Variants in UBE2H observed in about 807,000 individuals in gnomAD.
UBE2H encodes ubiquitin conjugating enzyme E2 H.
Under a neutral mutation model 29.0 loss-of-function variants are expected in UBE2H, and 3 were observed. That is an observed-to-expected ratio of 0.10 (90% CI 0.05 to 0.27). The LOEUF is 0.27. Ranked by LOEUF, UBE2H falls within the 10% of genes least tolerant of loss-of-function variation. The probability of loss-of-function intolerance (pLI) is 1.00; values close to 1 mark genes in which losing one functional copy is unlikely to be tolerated. For missense variants in UBE2H, 68 were observed against 228.2 expected (o/e 0.30, Z 4.52); for synonymous variants, 69 against 82.9 (o/e 0.83, Z 0.91).
At chr7:129,881,575 G>A (rs1806254864) in intron 1 of UBE2H, among the ~76,000 whole-genome samples, 1 of 152,116 alleles carries the variant, frequency 6.6e-6, no homozygotes, top group Admixed American at 6.5e-5. Context: ...TTGAAGTTGG[G>A]AGGTGGAGGT....
chr7:129,913,068 T>C (rs945403716), intron 1 of UBE2H, among the ~76,000 whole-genome samples: 3 of 151,938 alleles, frequency 2.0e-5, no homozygotes, highest in African/African-American at 7.3e-5. Flanking sequence ...CTGGCCAACA[T>C]AGTGAAACCT....
At chr7:129,881,524 T>C (rs1806253873) in intron 1 of UBE2H, among the ~76,000 whole-genome samples, 1 of 152,110 alleles carries the variant, frequency 6.6e-6, no homozygotes, top group Admixed American at 6.6e-5. Flanking sequence ...GATGCATGCC[T>C]GTAGTCCCAG....
chr7:129,925,807 T>G (rs529759072), intron 1 of UBE2H, among the ~76,000 whole-genome samples: 1 of 152,154 alleles, frequency 6.6e-6, no homozygotes, highest in Admixed American at 6.5e-5. Context: ...CCTTTAAGAT[T>G]AAGTAATGCA....
chr7:129,932,630 C>T (rs541453288), intron 1 of UBE2H, among the ~76,000 whole-genome samples: 11 of 151,496 alleles, frequency 7.3e-5, no homozygotes, highest in East Asian at 2.0e-4. Flanking sequence ...AAAAATTAGC[C>T]GGGCGTGGTG....
At chr7:129,881,112 T>C in intron 1 of UBE2H, 141 bp from the exon 2 acceptor site, 1 of 612,980 alleles carries the variant, frequency 1.6e-6, no homozygotes, top group South Asian at 2.3e-5. Flanking sequence ...TTCTGGTAGT[T>C]TAGGAGGAGG....
chr7:129,888,071 C>T (rs1000509270), intron 1 of UBE2H, among the ~76,000 whole-genome samples: 1 of 152,184 alleles, frequency 6.6e-6, no homozygotes, highest in African/African-American at 2.4e-5. Context: ...AGCCTCTAGG[C>T]AACATGCTAA....
chr7:129,931,708 C>A (rs1243058800), intron 1 of UBE2H, among the ~76,000 whole-genome samples: 1 of 151,932 alleles, frequency 6.6e-6, no homozygotes, highest in Admixed American at 6.6e-5. Flanking sequence ...TAATTCTGGA[C>A]ATTTTTTGTT....
chr7:129,847,293 G>T (rs1245462352), intron 5 of UBE2H, among the ~76,000 whole-genome samples: 1 of 152,190 alleles, frequency 6.6e-6, no homozygotes, highest in Non-Finnish European at 1.5e-5. Flanking sequence ...ATCCACCTCA[G>T]ACTCCCAAAG....
chr7:129,934,381 T>C (rs1275617786), intron 1 of UBE2H, among the ~76,000 whole-genome samples: 1 of 151,934 alleles, frequency 6.6e-6, no homozygotes, highest in Non-Finnish European at 1.5e-5. Flanking sequence ...CTCACACCTA[T>C]AATCTCAGCA....
intron 1 of UBE2H, among the ~76,000 whole-genome samples, chr7:129,930,924 A>AC (rs1807379945): frequency 6.9e-6 from 1 of 145,404 alleles, no homozygotes; most frequent in South Asian, 2.2e-4. Flanking sequence ...AAAAAAAAAA[A>AC]AAAAAAAAAC....
chr7:129,939,984 A>C (rs951053164), intron 1 of UBE2H, among the ~76,000 whole-genome samples: 1 of 152,046 alleles, frequency 6.6e-6, no homozygotes, highest in African/African-American at 2.4e-5. Context: ...GAAAGAAAGA[A>C]AGAAAAGCAA....
At chr7:129,885,528 C>G (rs536172912) in intron 1 of UBE2H, among the ~76,000 whole-genome samples, 2 of 152,280 alleles carry the variant, frequency 1.3e-5, no homozygotes, top group African/African-American at 4.8e-5. Context: ...TCAGTCCATA[C>G]TTACGTGTAT....
intron 5 of UBE2H, among the ~76,000 whole-genome samples, chr7:129,841,318 TCTAGAAAATCTTAC>T (rs1159702630): frequency 6.6e-6 from 1 of 152,168 alleles, no homozygotes; most frequent in Non-Finnish European, 1.5e-5. Context: ...CCAACTTTGC[TCTAGAAAATCTTAC>T]CTATAAGAGG....
chr7:129,899,953 C>T (rs1806675754), intron 1 of UBE2H, among the ~76,000 whole-genome samples: 2 of 151,968 alleles, frequency 1.3e-5, no homozygotes. Context: ...TATGGCAAAA[C>T]CCCGTCTCTC....
At chr7:129,869,650 C>A (rs1263489402) in intron 3 of UBE2H, among the ~76,000 whole-genome samples, 1 of 152,118 alleles carries the variant, frequency 6.6e-6, no homozygotes, top group South Asian at 2.1e-4. Context: ...CTTGAGGGTA[C>A]CAGTAGGTAG....
rs945324774 is a variant in UBE2H at position 129,833,669 on chromosome 7, ACT to A, written c.*1266_*1267del. ...CTGAATCCCTTCTTCCTATTCGGTC[ACT>A]CTCTGAAAAAAGCTGGTTTGTTTTT... On this transcript the variant is annotated 3_prime_UTR_variant, in exon 7 of 7. Transcript: ENST00000355621. The A allele has an allele frequency of 3.3e-5, 5 of 151,950 alleles. No individual in the cohort carries two copies. Among genetic ancestry groups the A allele is most frequent in the African/African-American group, 4.8e-5 (2 of 41,356 alleles). 9.4% of individuals were successfully genotyped at this position (151,950 alleles called of 1,614,324 possible).
intron 3 of UBE2H, among the ~76,000 whole-genome samples, chr7:129,876,961 A>G (rs781093025): frequency 6.6e-6 from 1 of 152,172 alleles, no homozygotes; most frequent in Non-Finnish European, 1.5e-5. Flanking sequence ...CATTATATTG[A>G]ATATATATAT....
At chr7:129,868,179 A>C (rs1347124027) in intron 3 of UBE2H, among the ~76,000 whole-genome samples, 1 of 152,230 alleles carries the variant, frequency 6.6e-6, no homozygotes, top group African/African-American at 2.4e-5. Context: ...CAAAAGCTAG[A>C]GGTCACCCAA....
intron 1 of UBE2H, among the ~76,000 whole-genome samples, chr7:129,935,342 G>A (rs1807505068): frequency 6.6e-6 from 1 of 151,220 alleles, no homozygotes; most frequent in African/African-American, 2.4e-5. Flanking sequence ...GAACCCGAGA[G>A]GCGAGGGTCA....
Sources: gnomAD v4.1 joint callset for allele counts (sites outside exome capture counted in the v4.1 genomes callset) on GRCh38, gnomAD v4.1.1 for gene constraint, MANE v1.5 for transcripts, NCBI Gene and HGNC (gene_info 2026-07-23, HGNC 2026-07-21) for gene names.